The following CFAP53 variants were observed in gnomAD, a reference collection of about 807,000 sequenced individuals.
The protein encoded by CFAP53 is cilia- and flagella-associated protein 53.
CFAP53 carries 62 observed loss-of-function variants against 59.7 expected under a neutral mutation model. That is an observed-to-expected ratio of 1.04 (90% CI 0.85 to 1.28). The LOEUF (loss-of-function observed/expected upper bound fraction) is 1.28, where lower values mean the gene tolerates loss of function less well. CFAP53 is among the 50% of genes most tolerant of loss of function. The pLI is 0.00. For missense variants in CFAP53, 629 were observed against 615.6 expected, an observed-to-expected ratio of 1.02 and a Z score of -0.23; for synonymous variants, 218 against 205.7, an observed-to-expected ratio of 1.06 and a Z score of -0.51.
chr18:50,266,461 G>T lies in CFAP53; in HGVS notation c.-57C>A. ...CCGCCGCGTTTCCCCCAACCGTGGC[G>T]ACCTGCGGGACCCGCTTCCGCGACG... On this transcript the variant is annotated 5_prime_UTR_variant, in exon 1 of 8. Coordinates refer to ENST00000398545, the MANE Select transcript of CFAP53 (RefSeq NM_145020.5). The T allele has an allele frequency of 1.3e-6, 2 of 1,534,384 alleles. No homozygotes were observed. Among genetic ancestry groups the T allele is most frequent in the Admixed American group, 1.7e-5 (1 of 59,888 alleles).
chr18:50,248,933 T>A (rs1037535795), intron 5 of CFAP53, among the ~76,000 whole-genome samples: 1 of 152,068 alleles, frequency 6.6e-6, no homozygotes, highest in African/African-American at 2.4e-5. Context: ...GGTAAATCTA[T>A]ACCATGAACA....
In CFAP53 at chr18:50,265,403, T is replaced by C. The variant is rs558177072; in HGVS notation, c.69+933A>G. 3.9e-5 allele frequency among the ~76,000 whole-genome samples: 6 copies of C among 152,300 alleles called. No homozygotes were observed. The South Asian group carries it at 1.2e-3, about 32-fold the overall frequency. On this transcript the variant is annotated intron_variant, in intron 1 of 7. Transcript: ENST00000398545. Reference sequence around the variant, plus strand: ...GACTTGGGTCCCCTCCCCAAGATATTGCATTATGTATATGCAAGTATTCCA... The same window carrying C: ...GACTTGGGTCCCCTCCCCAAGATATCGCATTATGTATATGCAAGTATTCCA...
chr18:50,252,339 T>G (rs2033809289), intron 3 of CFAP53, among the ~76,000 whole-genome samples: 1 of 152,068 alleles, frequency 6.6e-6, no homozygotes, highest in African/African-American at 2.4e-5. Flanking sequence ...CTCCTGATCT[T>G]GTGATCCGCC....
intron 1 of CFAP53, among the ~76,000 whole-genome samples, chr18:50,264,858 A>G (rs1256298283): frequency 6.6e-6 from 1 of 152,192 alleles, no homozygotes; most frequent in African/African-American, 2.4e-5. Context: ...TACAGAACCC[A>G]AAGTAGATCT....
chr18:50,227,249 A>C lies in CFAP53; in HGVS notation c.*132T>G. 4.3e-6 allele frequency: 3 copies of C among 704,340 alleles called. No homozygotes were observed. The highest frequency in any genetic ancestry group is 7.0e-6 in the Non-Finnish European group (3 of 429,078). The allele number at this position is 704,340 out of a possible 1,614,324, so 43.6% of individuals were successfully genotyped here. On this transcript the variant is annotated 3_prime_UTR_variant, in exon 8 of 8. Transcript: ENST00000398545. Reference sequence around the variant, plus strand: ...AGGCACAGGTTTATTCAAAGGAAGAAAATTATGTTCAATTAATTACACAAA... The same window carrying C: ...AGGCACAGGTTTATTCAAAGGAAGACAATTATGTTCAATTAATTACACAAA...
At chr18:50,253,779 G>C (rs2033822663) in intron 3 of CFAP53, among the ~76,000 whole-genome samples, 2 of 152,158 alleles carry the variant, frequency 1.3e-5, no homozygotes, top group South Asian at 4.1e-4. Flanking sequence ...GTGTGGCCCT[G>C]GAGTCTGGAT....
chr18:50,251,689 A>C lies in CFAP53; in HGVS notation c.569T>G (p.Leu190Arg). Residue 190 changes from leucine to arginine, a missense_variant, in exon 4 of 8, where the codon CTG becomes CGG. Transcript: ENST00000398545. ...RKAQIAFNEELSRQKLVEEQM... is the reference protein window; with the variant it reads ...RKAQIAFNEERSRQKLVEEQM... The stretch of plus-strand genomic sequence containing the variant: ...CTCTTCCACCAGCTTTTGCCTGCTC[A>C]GCTCCTCATTAAATGCAATCTGTGC... 6.2e-7 allele frequency: 1 copy of C among 1,614,186 alleles called. No homozygotes were observed.
In CFAP53 at chr18:50,240,483, ACAG is replaced by A. The variant is rs566150385; in HGVS notation, c.1214-1781_1214-1779del. The stretch of plus-strand genomic sequence containing the variant: ...CAATCCTAGCCAATAGCGGAATGAC[ACAG>A]CAGCAGGGGCCACGTGAGTCAGGAA... On this transcript the variant is annotated intron_variant, in intron 6 of 7. Transcript: ENST00000398545. Among the ~76,000 whole-genome samples, 308 of 152,192 alleles carry A rather than the reference ACAG, an allele frequency of 2.0e-3. 2 individuals are homozygous for A. Among genetic ancestry groups the A allele is most frequent in the Non-Finnish European group, 3.0e-3 (205 of 68,026 alleles).
At chr18:50,260,562 G>C (rs980482139) in intron 3 of CFAP53, among the ~76,000 whole-genome samples, 1 of 152,142 alleles carries the variant, frequency 6.6e-6, no homozygotes, top group African/African-American at 2.4e-5. Flanking sequence ...CTACTTGAGA[G>C]GCTGAGGTGG....
At chr18:50,243,312 A>G (rs2033711540) in intron 5 of CFAP53, among the ~76,000 whole-genome samples, 196 bp from the exon 6 acceptor site, 1 of 152,238 alleles carries the variant, frequency 6.6e-6, no homozygotes, top group Non-Finnish European at 1.5e-5. Flanking sequence ...TATAGAAGAG[A>G]CAAGAATGGC....
chr18:50,244,047 AGTAAT>A (rs1467870470), intron 5 of CFAP53, among the ~76,000 whole-genome samples: 1 of 152,130 alleles, frequency 6.6e-6, no homozygotes, highest in Non-Finnish European at 1.5e-5. Flanking sequence ...CCCAGGTGAT[AGTAAT>A]GTGCAGCTAA....
intron 5 of CFAP53, among the ~76,000 whole-genome samples, chr18:50,249,731 G>A (rs2033779853): frequency 6.6e-6 from 1 of 152,080 alleles, no homozygotes; most frequent in African/African-American, 2.4e-5. Context: ...GGAAGTAGGT[G>A]TGTCTATAAA....
chr18:50,263,425 A>G (rs1187135192), intron 1 of CFAP53, among the ~76,000 whole-genome samples: 1 of 152,232 alleles, frequency 6.6e-6, no homozygotes, highest in Non-Finnish European at 1.5e-5. Context: ...CAACATTTGA[A>G]GACAGTTTAA....
intron 5 of CFAP53, among the ~76,000 whole-genome samples, chr18:50,245,256 C>T (rs987489021): frequency 1.3e-5 from 2 of 150,936 alleles, no homozygotes; most frequent in East Asian, 1.9e-4. Flanking sequence ...GTGGTGGGCG[C>T]CTGTAGTCCC....
intron 5 of CFAP53, among the ~76,000 whole-genome samples, chr18:50,243,683 G>A (rs2033714614): frequency 6.6e-6 from 1 of 152,152 alleles, no homozygotes; most frequent in African/African-American, 2.4e-5. Flanking sequence ...TGGGCTCAGT[G>A]GCTCAAGCCT....
chr18:50,244,699 C>T (rs1233486645), intron 5 of CFAP53, among the ~76,000 whole-genome samples: 1 of 152,078 alleles, frequency 6.6e-6, no homozygotes, highest in Non-Finnish European at 1.5e-5. Flanking sequence ...CTTGAAGGGA[C>T]TCTCATGATC....
chr18:50,237,367 T>TAC (rs757901571), intron 7 of CFAP53, among the ~76,000 whole-genome samples: 35,286 of 62,018 alleles, frequency 0.57, 9,778 homozygotes, highest in Middle Eastern at 0.65. Context: ...CACATATATA[T>TAC]ACACACACAC....
In CFAP53 at chr18:50,261,379, T is replaced by C. The variant is rs187784338; in HGVS notation, c.300-142A>G. Reference sequence around the variant, plus strand: ...TCTTCCACAGAATAAGACTGGTTGGTTTGTTTTTTTGTTTTTGTTTTTGTT... The same window carrying C: ...TCTTCCACAGAATAAGACTGGTTGGCTTGTTTTTTTGTTTTTGTTTTTGTT... On this transcript the variant is annotated intron_variant, in intron 2 of 7. Transcript: ENST00000398545. 1,700 of 982,810 alleles carry C rather than the reference T, an allele frequency of 1.7e-3. 1 individual carries two copies. The highest frequency in any genetic ancestry group is 3.4e-3 in the Middle Eastern group (10 of 2,960). The allele number at this position is 982,810 out of a possible 1,614,324, so 60.9% of individuals were successfully genotyped here.
intron 3 of CFAP53, among the ~76,000 whole-genome samples, chr18:50,252,059 C>G (rs1182770856): frequency 6.6e-6 from 1 of 152,040 alleles, no homozygotes; most frequent in Non-Finnish European, 1.5e-5. Context: ...CAATGACTGA[C>G]CTATTCACTT....
Sources: allele counts gnomAD v4.1 joint callset (sites outside exome capture counted in the v4.1 genomes callset), GRCh38; gene constraint gnomAD v4.1.1; transcripts MANE v1.5; gene names NCBI Gene and HGNC (gene_info 2026-07-23, HGNC 2026-07-21).